Variants in MYH9 observed in about 807,000 individuals in gnomAD.
The protein encoded by MYH9 is myosin heavy chain 9.
A neutral mutation model predicts 241.9 loss-of-function variants in MYH9; 29 were observed. The ratio of observed to expected loss-of-function variants is 0.12; its 90% CI spans 0.09 to 0.16. The LOEUF (loss-of-function observed/expected upper bound fraction) is 0.16. Ranked by LOEUF, MYH9 falls within the 10% of genes least tolerant of loss-of-function variation. The pLI, the probability that MYH9 is intolerant of heterozygous loss-of-function variation, is 1.00. For synonymous variants in MYH9, 1,047 were observed against 1,062.6 expected, an observed-to-expected ratio of 0.99 and a Z score of 0.29; for missense variants, 1,803 against 2,595.5, an observed-to-expected ratio of 0.69 and a Z score of 6.63.
intron 2 of MYH9, among the ~76,000 whole-genome samples, chr22:36,347,199 C>T (rs576534534): frequency 1.3e-5 from 2 of 152,064 alleles, no homozygotes; most frequent in East Asian, 1.9e-4. Context: ...TGATGGACTG[C>T]GTTTCTGCAT....
chr22:36,382,933 A>C (rs2018282454), intron 1 of MYH9, among the ~76,000 whole-genome samples: 1 of 152,174 alleles, frequency 6.6e-6, no homozygotes, highest in South Asian at 2.1e-4. Context: ...CTCGGAAATC[A>C]AACCTGGCCA....
intron 1 of MYH9, among the ~76,000 whole-genome samples, chr22:36,360,738 A>G (rs932995847): frequency 4.6e-5 from 7 of 151,798 alleles, no homozygotes; most frequent in African/African-American, 1.2e-4. Context: ...AAAGAAAAAG[A>G]AAAAAGAAAT....
chr22:36,318,408 T>A, intron 10 of MYH9, 83 bp from the exon 11 acceptor site: 1 of 1,096,298 alleles, frequency 9.1e-7, no homozygotes, highest in Middle Eastern at 2.0e-4. Context: ...CCCAAGAGAA[T>A]AAGTCCCTCT....
At position 36,309,331 on chromosome 22, in the gene MYH9, T is replaced by G. The variant is rs371211555; in HGVS notation, c.1794A>C (p.Thr598=). The G allele has an allele frequency of 1.9e-6, 3 of 1,614,072 alleles. No homozygotes were observed. The African/African-American group carries it at 4.0e-5, about 22-fold the overall frequency. ...NMDPLNDNIA[T]LLHQSSDKFV... is the part of the protein sequence containing the mutation. ...ACTTGTCAGAGGACTGGTGGAGCAG[T>G]GTGGCGATGTTGTCATTCAGGGGAT... The change falls in exon 15 of 41, where the codon ACA becomes ACC. Residue 598 remains threonine, a synonymous_variant. Transcript: ENST00000216181.
intron 1 of MYH9, among the ~76,000 whole-genome samples, chr22:36,372,112 C>T (rs921463466): frequency 6.6e-6 from 1 of 152,064 alleles, no homozygotes; most frequent in Non-Finnish European, 1.5e-5. Context: ...CCCTGCCCCA[C>T]ACCCCACTTC....
Position 36,300,840 on chromosome 22 carries a change from C to A in MYH9, c.2838+11G>T. On this transcript the variant is annotated intron_variant, in intron 22 of 40. Coordinates refer to ENST00000216181, the MANE Select transcript of MYH9 (RefSeq NM_002473.6). The surrounding 1 kb of genome is among the most constrained non-coding windows in gnomAD (Gnocchi z 5.0). ...CGGCGCCACCCCTCCCCGGGTGCAG[C>A]GGGCAGGAACCTGGATGTTCTGCTG... 1 of 1,599,854 alleles carries A rather than the reference C, an allele frequency of 6.3e-7. No individual in the cohort carries two copies. Among genetic ancestry groups the A allele is most frequent in the Non-Finnish European group, 8.5e-7 (1 of 1,179,918 alleles).
Position 36,300,400 on chromosome 22 carries a change from G to C in MYH9, c.2839-136C>G. The C allele has an allele frequency of 7.6e-7, 1 of 1,317,800 alleles. No individual in the cohort carries two copies. Among genetic ancestry groups the C allele is most frequent in the East Asian group, 2.4e-5 (1 of 41,346 alleles). The allele number at this position is 1,317,800 out of a possible 1,614,324, so 81.6% of individuals were successfully genotyped here. A position where few individuals can be genotyped will look rare whatever the true frequency, so the allele number is the denominator to read the frequency against. ...CTGTGAGCCCAGGGCCATGGCTGAG[G>C]TGGGGACGGCAAGGTCCGCCAGCCC... On this transcript the variant is annotated intron_variant, in intron 22 of 40. Transcript: ENST00000216181. This position sits in a 1 kb window ranked among gnomAD's most constrained non-coding sequence, Gnocchi z 5.0.
intron 1 of MYH9, among the ~76,000 whole-genome samples, chr22:36,352,462 A>C (rs952595846): frequency 6.6e-6 from 1 of 152,022 alleles, no homozygotes; most frequent in African/African-American, 2.4e-5. Flanking sequence ...CAAAGAACCC[A>C]TCTGGTAGCC....
chr22:36,369,053 A>T (rs2018053650), intron 1 of MYH9, among the ~76,000 whole-genome samples: 1 of 151,850 alleles, frequency 6.6e-6, no homozygotes, highest in Admixed American at 6.6e-5. Flanking sequence ...TGCACAGGTC[A>T]GCACACCCAG....
intron 1 of MYH9, among the ~76,000 whole-genome samples, chr22:36,374,444 TG>T (rs1413198382): frequency 6.6e-6 from 1 of 152,200 alleles, no homozygotes; most frequent in Non-Finnish European, 1.5e-5. Flanking sequence ...TGCTTGAACC[TG>T]GGAGGCGGAG....
intron 31 of MYH9, among the ~76,000 whole-genome samples, chr22:36,291,024 C>T (rs2016688611): frequency 2.7e-5 from 4 of 149,818 alleles, no homozygotes; most frequent in South Asian, 4.3e-4. Flanking sequence ...GGAGCGTCTC[C>T]GCCCGGCAGC....
rs921766397 is a variant in MYH9 at position 36,319,523 on chromosome 22, G to A, written c.1108+17C>T. 4 of 1,613,254 alleles carry A rather than the reference G, an allele frequency of 2.5e-6. No individual in the cohort carries two copies. The Admixed American group carries it at 6.7e-5, about 27-fold the overall frequency. ...GCACCTGCCCCATTATTTCCAGCGA[G>A]AGGCCCCGGGTGTTACCTGTGTTGT... On this transcript the variant is annotated intron_variant, in intron 10 of 40. Coordinates refer to ENST00000216181, the MANE Select transcript of MYH9 (RefSeq NM_002473.6).
intron 2 of MYH9, among the ~76,000 whole-genome samples, chr22:36,345,092 C>G (rs974872804): frequency 1.3e-5 from 2 of 152,056 alleles, no homozygotes; most frequent in Non-Finnish European, 2.9e-5. Flanking sequence ...GCGGGAGGAT[C>G]ACAAGGTCAG....
At chr22:36,383,481 C>T (rs1267306963) in intron 1 of MYH9, among the ~76,000 whole-genome samples, 1 of 152,108 alleles carries the variant, frequency 6.6e-6, no homozygotes, top group Non-Finnish European at 1.5e-5. Context: ...GCCTCATAGC[C>T]ACTTGTGAAT....
chr22:36,304,230 C>A lies in MYH9; in HGVS notation c.2230-75G>T, dbSNP rs879190762. On this transcript the variant is annotated intron_variant, in intron 18 of 40. Coordinates refer to ENST00000216181, the MANE Select transcript of MYH9 (RefSeq NM_002473.6). ...CCATGAAAGGGTGGCCCAGGCACAGCTGGAGGTGTGCCCTTCACCCTTCTT... is the reference window on the plus strand; with the variant it reads ...CCATGAAAGGGTGGCCCAGGCACAGATGGAGGTGTGCCCTTCACCCTTCTT... 6.6e-6 allele frequency: 10 copies of A among 1,522,734 alleles called. No individual in the cohort carries two copies. In the South Asian group the frequency reaches 1.0e-4, roughly 15 times the overall value. The allele number at this position is 1,522,734 out of a possible 1,614,324, so 94.3% of individuals were successfully genotyped here. A position where few individuals can be genotyped will look rare whatever the true frequency, so the allele number is the denominator to read the frequency against.
chr22:36,386,886 A>G (rs73167669), intron 1 of MYH9, among the ~76,000 whole-genome samples: 3,206 of 152,358 alleles, frequency 0.021, 67 homozygotes, highest in Non-Finnish European at 0.033. Flanking sequence ...GGAGAATAGA[A>G]AACTCCGATT....
At chr22:36,319,668 G>A (rs2017218473) in intron 9 of MYH9, 33 bp from the exon 10 acceptor site, 10 of 1,604,612 alleles carry the variant, frequency 6.2e-6, no homozygotes, top group Non-Finnish European at 7.7e-6. Context: ...CTCAGAAGCA[G>A]ACATGGGTCA....
At chr22:36,380,599 G>A (rs546552716) in intron 1 of MYH9, among the ~76,000 whole-genome samples, 47 of 152,244 alleles carry the variant, frequency 3.1e-4, no homozygotes, top group African/African-American at 1.1e-3. Flanking sequence ...AAATTAGCCA[G>A]GCGTGGTGAC....
chr22:36,309,484 A>G lies in MYH9; in HGVS notation c.1729-88T>C, dbSNP rs1557529. 914,380 of 961,442 alleles carry G rather than the reference A, an allele frequency of 0.95. 438,242 individuals carry two copies. Among genetic ancestry groups the G allele is most frequent in the East Asian group, 1 (41,411 of 41,426 alleles). The allele number at this position is 961,442 out of a possible 1,614,324, so 59.6% of individuals were successfully genotyped here. A position where few individuals can be genotyped will look rare whatever the true frequency, so the allele number is the denominator to read the frequency against. On this transcript the variant is annotated intron_variant, in intron 14 of 40. Transcript: ENST00000216181. ...TCCGGAGCACAGGCTAACCCCATGC[A>G]TGGAAAAGTCAGAAAACGTGAAGAC...
Sources: allele counts gnomAD v4.1 joint callset (sites outside exome capture counted in the v4.1 genomes callset), GRCh38; gene constraint gnomAD v4.1.1; non-coding constraint Gnocchi (gnomAD v3.1); transcripts MANE v1.5; gene names NCBI Gene and HGNC (gene_info 2026-07-23, HGNC 2026-07-21).